Variants in MYH11 observed in about 807,000 individuals in gnomAD.
MYH11 encodes myosin-11.
MYH11 carries 80 observed loss-of-function variants against 246.6 expected under a neutral mutation model. The observed-to-expected ratio is 0.32, with a 90% CI of 0.27 to 0.39. The LOEUF is 0.39. Ranked by LOEUF, MYH11 falls within the 10% of genes least tolerant of loss-of-function variation. The probability of loss-of-function intolerance (pLI) is 1.00; values close to 1 mark genes in which losing one functional copy is unlikely to be tolerated. For missense variants in MYH11, 2,158 were observed against 2,546.8 expected, an observed-to-expected ratio of 0.85 and a Z score of 3.29; for synonymous variants, 1,071 against 1,015.5, an observed-to-expected ratio of 1.05 and a Z score of -1.04.
chr16:15,752,262 C>T (rs1428355820), intron 15 of MYH11, among the ~76,000 whole-genome samples: 1 of 151,964 alleles, frequency 6.6e-6, no homozygotes, highest in Admixed American at 6.6e-5. Flanking sequence ...CACAGCTGGC[C>T]CCTCCTGGAG....
chr16:15,743,699 C>T (rs2041339066), intron 20 of MYH11, among the ~76,000 whole-genome samples: 1 of 152,160 alleles, frequency 6.6e-6, no homozygotes, highest in African/African-American at 2.4e-5. Flanking sequence ...GTTTACTCCC[C>T]ACCAATTCGG....
intron 4 of MYH11, among the ~76,000 whole-genome samples, chr16:15,787,720 G>A (rs2151308537): frequency 6.6e-6 from 1 of 152,086 alleles, no homozygotes; most frequent in South Asian, 2.1e-4. Flanking sequence ...TGATCCGCCT[G>A]CAGACATCAT....
At chr16:15,844,240 C>T (rs2044131003) in intron 1 of MYH11, among the ~76,000 whole-genome samples, 1 of 152,126 alleles carries the variant, frequency 6.6e-6, no homozygotes, top group Non-Finnish European at 1.5e-5. Flanking sequence ...GCTCTGTCGC[C>T]CAGCTAGAGT....
In MYH11 at chr16:15,826,697, G is replaced by A. The variant is rs1337815305; in HGVS notation, c.346-3286C>T. Among the ~76,000 whole-genome samples the A allele has an allele frequency of 1.3e-5, 2 of 152,118 alleles. 1 individual carries two copies. The highest frequency in any genetic ancestry group is 4.2e-4 in the South Asian group (2 of 4,818). The stretch of plus-strand genomic sequence containing the variant: ...GGGGTGCTGCAGAGGAATATTCTTT[G>A]AAGGTACAGGATTGTTGGGCGCAGT... On this transcript the variant is annotated intron_variant, in intron 2 of 40. Coordinates refer to ENST00000300036, the MANE Select transcript of MYH11 (RefSeq NM_002474.3).
chr16:15,786,511 G>A, intron 5 of MYH11, 119 bp downstream of exon 5: 1 of 970,722 alleles, frequency 1.0e-6, no homozygotes, highest in Non-Finnish European at 1.7e-6. Context: ...GTCTTCAGGG[G>A]AGGGGTAGTC....
intron 2 of MYH11, among the ~76,000 whole-genome samples, chr16:15,833,870 C>A (rs1331281902): frequency 6.6e-6 from 1 of 152,124 alleles, no homozygotes; most frequent in African/African-American, 2.4e-5. Flanking sequence ...CCTTCTTTAT[C>A]TTCTCCGTCA....
Position 15,750,151 on chromosome 16 carries a change from T to C in MYH11, c.2045A>G (p.Asn682Ser). The C allele has an allele frequency of 6.2e-7, 1 of 1,614,182 alleles. No individual in the cohort carries two copies. The highest frequency in any genetic ancestry group is 8.5e-7 in the Non-Finnish European group (1 of 1,180,024). ...TPNFVRCIIPNHEKRSGKLDA... is the reference protein window; with the variant it reads ...TPNFVRCIIPSHEKRSGKLDA... ...GGCGGGCCTCACCCTCTTCTCGTGG[T>C]TGGGGATGATGCAGCGCACGAAGTT... Residue 682 changes from asparagine (N) to serine (S), a missense_variant, in exon 16 of 41, where the codon AAC becomes AGC. Around this residue, in one of 11 missense-constraint regions of MYH11, gnomAD observed 317 missense variants for 507.7 expected, o/e 0.62. Coordinates refer to ENST00000300036, the MANE Select transcript of MYH11 (RefSeq NM_002474.3). This position sits in a 1 kb window ranked among gnomAD's most constrained non-coding sequence, Gnocchi z 4.3.
chr16:15,769,455 G>A lies in MYH11; in HGVS notation c.1033+2114C>T, dbSNP rs145316195. On this transcript the variant is annotated intron_variant, in intron 9 of 40. Transcript: ENST00000300036. ...GCAGAGATTGCAGTGAGCTGAGACT[G>A]CGCCACCGTACTCCAGCCTAGGTGA... is the stretch of plus-strand genomic sequence containing the variant. Among the ~76,000 whole-genome samples, 100 of 152,382 alleles carry A rather than the reference G, an allele frequency of 6.6e-4. No individual in the cohort carries two copies. The East Asian group carries it at 0.018, about 28-fold the overall frequency.
At position 15,732,793 on chromosome 16, in the gene MYH11, A is replaced by G. The variant is rs1161115619; in HGVS notation, c.3507-85T>C. The G allele has an allele frequency of 3.3e-6, 5 of 1,534,800 alleles. No homozygotes were observed. In the African/African-American group the frequency reaches 5.5e-5, roughly 17 times the overall value. On this transcript the variant is annotated intron_variant, in intron 26 of 40. Coordinates refer to ENST00000300036, the MANE Select transcript of MYH11 (RefSeq NM_002474.3). ...CGTGCAAAAGAATGAGAGCTCTTCCAGGACCCAGAGCTGCAGTCCTCATCA... is the reference window on the plus strand; with the variant it reads ...CGTGCAAAAGAATGAGAGCTCTTCCGGGACCCAGAGCTGCAGTCCTCATCA...
At chr16:15,742,998 CTTTT>C (rs57274938) in intron 20 of MYH11, among the ~76,000 whole-genome samples, 3 of 131,154 alleles carry the variant, frequency 2.3e-5, no homozygotes, top group African/African-American at 5.5e-5. Flanking sequence ...AGGTAGAAGT[CTTTT>C]TTTTTTTTTT....
chr16:15,769,237 A>C (rs1405183263), intron 9 of MYH11, among the ~76,000 whole-genome samples: 2 of 152,154 alleles, frequency 1.3e-5, no homozygotes, highest in African/African-American at 2.4e-5. Flanking sequence ...AATTGCTTGA[A>C]CCCAGGAGGC....
At chr16:15,734,345 C>G (rs2041053187) in intron 26 of MYH11, among the ~76,000 whole-genome samples, 1 of 152,002 alleles carries the variant, frequency 6.6e-6, no homozygotes, top group African/African-American at 2.4e-5. Context: ...GTCACCCAGG[C>G]TGGAGTGCGA....
chr16:15,833,171 T>C (rs936328269), intron 2 of MYH11, among the ~76,000 whole-genome samples: 5 of 151,400 alleles, frequency 3.3e-5, no homozygotes, highest in Admixed American at 6.6e-5. Context: ...TCGTGCTACA[T>C]GCCTGTAGTC....
At chr16:15,712,219 T>C (rs1189073656) in intron 40 of MYH11, among the ~76,000 whole-genome samples, 3 of 152,136 alleles carry the variant, frequency 2.0e-5, no homozygotes, top group African/African-American at 7.2e-5. Flanking sequence ...TAGACATCCA[T>C]GTGGGAACGG....
chr16:15,741,901 C>T lies in MYH11; in HGVS notation c.2521-10G>A, dbSNP rs2041285746. The T allele has an allele frequency of 1.9e-6, 3 of 1,614,208 alleles. No individual in the cohort carries two copies. Among genetic ancestry groups the T allele is most frequent in the East Asian group, 2.2e-5 (1 of 44,886 alleles). Reference sequence around the variant, plus strand: ...GCAGCAGTGGCTTCACCTGCACACACACGGTTAGCCCATCATTTGTTTTTG... The same window carrying T: ...GCAGCAGTGGCTTCACCTGCACACATACGGTTAGCCCATCATTTGTTTTTG... On this transcript the variant is annotated splice_polypyrimidine_tract_variant and intron_variant, in intron 20 of 40. Transcript: ENST00000300036.
At chr16:15,756,276 T>C (rs751260034) in intron 14 of MYH11, 65 bp downstream of exon 14, 1 of 1,572,544 alleles carries the variant, frequency 6.4e-7, no homozygotes. Flanking sequence ...TCTCAGACTG[T>C]CTCTGCGCTG....
intron 3 of MYH11, among the ~76,000 whole-genome samples, chr16:15,801,078 C>T (rs904174715): frequency 2.6e-5 from 4 of 151,850 alleles, no homozygotes; most frequent in African/African-American, 4.8e-5. Flanking sequence ...TCATGGCACA[C>T]GCTTGTAATC....
chr16:15,843,428 C>A (rs1272570466), intron 1 of MYH11, among the ~76,000 whole-genome samples: 4 of 151,438 alleles, frequency 2.6e-5, no homozygotes, highest in Non-Finnish European at 5.9e-5. Flanking sequence ...CAGTGGCTCA[C>A]ACCTGTAATC....
chr16:15,786,994 G>A (rs147974724), intron 4 of MYH11, among the ~76,000 whole-genome samples: 9 of 152,320 alleles, frequency 5.9e-5, no homozygotes, highest in Middle Eastern at 3.4e-3. Flanking sequence ...AAGGTGGGCC[G>A]GATGTGGTGG....
Sources: allele counts gnomAD v4.1 joint callset (sites outside exome capture counted in the v4.1 genomes callset), GRCh38; gene constraint gnomAD v4.1.1; regional missense constraint gnomAD v4.1.1; non-coding constraint Gnocchi (gnomAD v3.1); transcripts MANE v1.5; gene names NCBI Gene and HGNC (gene_info 2026-07-23, HGNC 2026-07-21).